Variants in OPCML observed in about 807,000 individuals in gnomAD.
OPCML encodes opioid-binding protein/cell adhesion molecule.
A neutral mutation model predicts 37.8 loss-of-function variants in OPCML; 13 were observed. That is an observed-to-expected ratio of 0.34 (90% CI 0.22 to 0.55). The LOEUF (loss-of-function observed/expected upper bound fraction) is 0.55. OPCML is among the 20% of genes least tolerant of loss of function. The pLI is 0.91. For missense variants in OPCML, 341 were observed against 435.6 expected (o/e 0.78, Z 1.93); for synonymous variants, 176 against 168.8 (o/e 1.04, Z -0.33).
chr11:133,157,971 G>C (rs894554595), intron 1 of OPCML, among the ~76,000 whole-genome samples: 1 of 152,206 alleles, frequency 6.6e-6, no homozygotes, highest in African/African-American at 2.4e-5. Flanking sequence ...CAGGTCTCTG[G>C]TGAGGGCCAG....
intron 1 of OPCML, among the ~76,000 whole-genome samples, chr11:133,464,915 C>T (rs1275768423): frequency 1.3e-5 from 2 of 152,016 alleles, no homozygotes; most frequent in Non-Finnish European, 2.9e-5. Context: ...ACTCGGGTAC[C>T]GCAGCTCTGA....
chr11:132,792,671 G>A (rs1254747702), intron 2 of OPCML, among the ~76,000 whole-genome samples: 2 of 152,188 alleles, frequency 1.3e-5, no homozygotes, highest in Admixed American at 6.5e-5. Flanking sequence ...GCGGAGAGGG[G>A]GTGGCGGAGG....
intron 3 of OPCML, among the ~76,000 whole-genome samples, chr11:132,624,552 C>T (rs1289897630): frequency 2.0e-5 from 3 of 152,086 alleles, no homozygotes; most frequent in Non-Finnish European, 4.4e-5. Flanking sequence ...CACTGGGCTC[C>T]AATGATTACA....
intron 2 of OPCML, among the ~76,000 whole-genome samples, chr11:132,758,348 A>G (rs1054347062): frequency 3.9e-5 from 6 of 152,150 alleles, no homozygotes; most frequent in African/African-American, 9.7e-5. Context: ...AAGAAAGTCA[A>G]TGGTAGCTTA....
chr11:133,224,774 A>T (rs1373188746), intron 1 of OPCML, among the ~76,000 whole-genome samples: 2 of 152,286 alleles, frequency 1.3e-5, no homozygotes, highest in Admixed American at 1.3e-4. Context: ...CAATGAAAGT[A>T]CAAATGGGGG....
rs895957311 is a variant in OPCML, at chr11:133,177,276, G to T, written c.62-234266C>A. Among the ~76,000 whole-genome samples, 1 of 152,234 alleles carries T rather than the reference G, an allele frequency of 6.6e-6. No individual in the cohort carries two copies. The highest frequency in any genetic ancestry group is 6.5e-5 in the Admixed American group (1 of 15,282). ...ATGCAGACCTATCAGAGATCTGAAA[G>T]AAGTGGGAAATAAAGCTGGATGACT... is the stretch of plus-strand genomic sequence containing the variant. On this transcript the variant is annotated intron_variant, in intron 1 of 7. Coordinates refer to ENST00000524381, the MANE Select transcript of OPCML (RefSeq NM_001012393.5). The surrounding 1 kb of genome is among the most constrained non-coding windows in gnomAD (Gnocchi z 5.0).
chr11:133,145,805 GTGGT>G (rs1354064827), intron 1 of OPCML, among the ~76,000 whole-genome samples: 1 of 152,190 alleles, frequency 6.6e-6, no homozygotes, highest in Non-Finnish European at 1.5e-5. Context: ...TGGGCAGGCT[GTGGT>G]TGCTGAGTGA....
At chr11:132,865,994 T>C (rs1205652918) in intron 2 of OPCML, among the ~76,000 whole-genome samples, 1 of 152,074 alleles carries the variant, frequency 6.6e-6, no homozygotes, top group Non-Finnish European at 1.5e-5. Flanking sequence ...TTTCACTTCA[T>C]CTGTGACTCT....
Position 132,513,965 on chromosome 11 carries a change from T to A in OPCML, c.505+15096A>T, listed in dbSNP as rs370088807. Among the ~76,000 whole-genome samples, 9 of 152,178 alleles carry A rather than the reference T, an allele frequency of 5.9e-5. No homozygotes were observed. In the East Asian group the frequency reaches 1.3e-3, roughly 23 times the overall value. On this transcript the variant is annotated intron_variant, in intron 4 of 7. Transcript: ENST00000524381. ...CACGTAGAAGGCACCCACTAATTCA[T>A]TCTTGAATGACTGAACAAGTGCATG...
intron 1 of OPCML, among the ~76,000 whole-genome samples, chr11:133,333,943 T>C (rs961637261): frequency 6.6e-6 from 1 of 152,242 alleles, no homozygotes; most frequent in Non-Finnish European, 1.5e-5. Context: ...CACAGTGAGA[T>C]ACTATTTCAC....
intron 4 of OPCML, among the ~76,000 whole-genome samples, chr11:132,480,171 T>G (rs1029681221): frequency 6.6e-6 from 1 of 152,010 alleles, no homozygotes; most frequent in Non-Finnish European, 1.5e-5. Flanking sequence ...GAGAAGTGCT[T>G]AAAGGAGCTG....
At chr11:132,838,417 G>C (rs1335101602) in intron 2 of OPCML, among the ~76,000 whole-genome samples, 1 of 152,200 alleles carries the variant, frequency 6.6e-6, no homozygotes, top group African/African-American at 2.4e-5. Flanking sequence ...AGTTCCAAAA[G>C]ATGTATGTCA....
At chr11:132,728,241 A>T (rs1328038238) in intron 2 of OPCML, among the ~76,000 whole-genome samples, 2 of 152,118 alleles carry the variant, frequency 1.3e-5, no homozygotes, top group Non-Finnish European at 2.9e-5. Context: ...GGAGTTGCGA[A>T]TTATTTGAGG....
chr11:132,514,669 C>A (rs941554148), intron 4 of OPCML, among the ~76,000 whole-genome samples: 1 of 152,084 alleles, frequency 6.6e-6, no homozygotes, highest in Non-Finnish European at 1.5e-5. Context: ...GCCAAACTGC[C>A]TTTGTTCCAA....
At chr11:132,433,339 T>A (rs1240354939) in intron 7 of OPCML, among the ~76,000 whole-genome samples, 1 of 152,170 alleles carries the variant, frequency 6.6e-6, no homozygotes, top group Non-Finnish European at 1.5e-5. Flanking sequence ...TCAGAAAATA[T>A]CACCCTACTT....
At chr11:133,175,634 A>G (rs483043) in intron 1 of OPCML, among the ~76,000 whole-genome samples, 73,166 of 151,146 alleles carry the variant, frequency 0.48, 18,464 homozygotes, top group African/African-American at 0.6. Flanking sequence ...AGAGCCTTAA[A>G]AGAAAATTCT....
At chr11:133,008,392 C>A (rs1023573632) in intron 1 of OPCML, 1 of 985,238 alleles carries the variant, frequency 1.0e-6, no homozygotes, top group East Asian at 1.1e-4. Context: ...CAGAGGACAT[C>A]CGAGATTGTG....
At chr11:132,620,470 A>G (rs192864422) in intron 3 of OPCML, among the ~76,000 whole-genome samples, 1 of 152,322 alleles carries the variant, frequency 6.6e-6, no homozygotes, top group Admixed American at 6.5e-5. Flanking sequence ...TTAAATGCCA[A>G]TGCCTTATTT....
chr11:133,373,752 T>C (rs576321050), intron 1 of OPCML, among the ~76,000 whole-genome samples: 105 of 152,262 alleles, frequency 6.9e-4, no homozygotes, highest in African/African-American at 2.4e-3. Context: ...CTATTAAATG[T>C]TCGGTGAATG....
Sources: gnomAD v4.1 joint callset for allele counts (sites outside exome capture counted in the v4.1 genomes callset) on GRCh38, gnomAD v4.1.1 for gene constraint, Gnocchi (gnomAD v3.1) non-coding constraint, MANE v1.5 for transcripts, NCBI Gene and HGNC (gene_info 2026-07-23, HGNC 2026-07-21) for gene names.